The following DAZL variants were observed in gnomAD, a reference collection of about 807,000 sequenced individuals.
DAZL encodes deleted in azoospermia-like.
Under a neutral mutation model 45.0 loss-of-function variants are expected in DAZL, and 4 were observed. The observed-to-expected ratio is 0.09, with a 90% confidence interval of 0.04 to 0.20. DAZL has a LOEUF of 0.20. DAZL is among the 10% of genes least tolerant of loss of function. The pLI is 1.00. For synonymous variants in DAZL, 122 were observed against 112.4 expected, an observed-to-expected ratio of 1.09 and a Z score of -0.54; for missense variants, 326 against 351.3, an observed-to-expected ratio of 0.93 and a Z score of 0.58.
At chr3:16,590,522 C>A (rs1575415475) in intron 10 of DAZL, among the ~76,000 whole-genome samples, 1 of 152,188 alleles carries the variant, frequency 6.6e-6, no homozygotes, top group Non-Finnish European at 1.5e-5. Context: ...CTTAGCAATT[C>A]CATTCCCAAG....
rs953951077 is a variant in DAZL at position 16,597,944 on chromosome 3, G to C, written c.242+143C>G. On this transcript the variant is annotated intron_variant, in intron 3 of 10. Coordinates refer to ENST00000399444, the MANE Select transcript of DAZL (RefSeq NM_001351.4). ...AAACATTAGAAAAATGATTAAAAGA[G>C]CTGGCAATAAACTTTTATCCTCTAC... is the stretch of plus-strand genomic sequence containing the variant. The C allele has an allele frequency of 5.8e-6, 5 of 859,014 alleles. No homozygotes were observed. The African/African-American group carries it at 8.6e-5, about 15-fold the overall frequency. The allele number at this position is 859,014 out of a possible 1,614,324, so 53.2% of individuals were successfully genotyped here.
rs1310452787 is a variant in DAZL at position 16,587,834 on chromosome 3, ATTCT to A, written c.*822_*825del. 3.3e-5 allele frequency: 5 copies of A among 153,226 alleles called. No homozygotes were observed. The highest frequency in any genetic ancestry group is 7.2e-5 in the African/African-American group (3 of 41,480). 9.5% of individuals were successfully genotyped at this position (153,226 alleles called of 1,614,324 possible). On this transcript the variant is annotated 3_prime_UTR_variant, in exon 11 of 11. Coordinates refer to ENST00000399444, the MANE Select transcript of DAZL (RefSeq NM_001351.4). ...CTAAGAGACATAAAAAAGTTGCAGC[ATTCT>A]TTAATACCAATATTTTGCACAATTT...
intron 1 of DAZL, among the ~76,000 whole-genome samples, chr3:16,600,890 A>T (rs1308947383): frequency 6.6e-6 from 1 of 152,224 alleles, no homozygotes; most frequent in Non-Finnish European, 1.5e-5. Context: ...AAGATTTTTG[A>T]GCCCTGGGGG....
chr3:16,603,151 T>C (rs187249389), intron 1 of DAZL, among the ~76,000 whole-genome samples: 1 of 152,278 alleles, frequency 6.6e-6, no homozygotes, highest in East Asian at 1.9e-4. Flanking sequence ...ATACATTCTT[T>C]ACACCAAGAG....
chr3:16,594,286 G>A (rs1694564173), intron 8 of DAZL, among the ~76,000 whole-genome samples: 1 of 151,886 alleles, frequency 6.6e-6, no homozygotes, highest in Non-Finnish European at 1.5e-5. Flanking sequence ...ACAAGTAACT[G>A]AACACTTATC....
At chr3:16,600,105 T>G (rs993667080) in intron 1 of DAZL, among the ~76,000 whole-genome samples, 2 of 152,194 alleles carry the variant, frequency 1.3e-5, no homozygotes, top group Non-Finnish European at 2.9e-5. Context: ...GAAACATCAT[T>G]AATTTAAAAA....
intron 9 of DAZL, among the ~76,000 whole-genome samples, chr3:16,593,379 C>G (rs1339336575): frequency 2.0e-5 from 3 of 152,122 alleles, no homozygotes; most frequent in Non-Finnish European, 2.9e-5. Flanking sequence ...TCCTATCTTG[C>G]CCAGGGTGGT....
intron 1 of DAZL, among the ~76,000 whole-genome samples, chr3:16,601,666 C>T (rs1011959314): frequency 6.6e-6 from 1 of 152,134 alleles, no homozygotes; most frequent in Non-Finnish European, 1.5e-5. Context: ...CTGTCAATAG[C>T]ATCCTGAAAA....
rs558128657 is a variant in DAZL at position 16,599,938 on chromosome 3, G to C, written c.4-1340C>G. Among the ~76,000 whole-genome samples, 3 of 152,236 alleles carry C rather than the reference G, an allele frequency of 2.0e-5. No homozygotes were observed. The East Asian group carries it at 5.8e-4, about 29-fold the overall frequency. ...GAGATAACATCTGTGAATTCATTTT[G>C]TAAAGTATAAAGTGGTATATCAATA... On this transcript the variant is annotated intron_variant, in intron 1 of 10. Coordinates refer to ENST00000399444, the MANE Select transcript of DAZL (RefSeq NM_001351.4).
chr3:16,588,737 T>C (rs1376502951), intron 10 of DAZL, 24 bp from the exon 11 acceptor site: 1 of 1,601,406 alleles, frequency 6.2e-7, no homozygotes, highest in South Asian at 1.1e-5. Flanking sequence ...AAAGAGTCCT[T>C]TTACTTTACT....
At chr3:16,601,504 G>A (rs1414097676) in intron 1 of DAZL, among the ~76,000 whole-genome samples, 1 of 151,940 alleles carries the variant, frequency 6.6e-6, no homozygotes, top group African/African-American at 2.4e-5. Context: ...GATTAGCAAG[G>A]GTTGTTAAAT....
chr3:16,598,018 C>T (rs1389349516), intron 3 of DAZL, 69 bp downstream of exon 3: 2 of 1,356,634 alleles, frequency 1.5e-6, no homozygotes, highest in African/African-American at 2.9e-5. Context: ...GTCAGAATAC[C>T]AATTTTGAAG....
At chr3:16,601,986 A>G (rs1292206435) in intron 1 of DAZL, among the ~76,000 whole-genome samples, 1 of 152,236 alleles carries the variant, frequency 6.6e-6, no homozygotes, top group Non-Finnish European at 1.5e-5. Flanking sequence ...GAAAAAGGCT[A>G]TAATTTGTAG....
chr3:16,604,530 C>G (rs775987625), intron 1 of DAZL: 15 of 1,484,490 alleles, frequency 1.0e-5, no homozygotes, highest in Non-Finnish European at 8.9e-7. Flanking sequence ...CTGACAGGCG[C>G]GAGGGGACCA....
intron 1 of DAZL, among the ~76,000 whole-genome samples, chr3:16,604,129 A>T (rs1368257162): frequency 6.6e-6 from 1 of 152,192 alleles, no homozygotes; most frequent in Non-Finnish European, 1.5e-5. Context: ...TTTTTATTTT[A>T]ATGTTTATAC....
intron 1 of DAZL, among the ~76,000 whole-genome samples, 160 bp from the exon 2 acceptor site, chr3:16,598,758 G>C (rs1694638483): frequency 6.6e-6 from 1 of 151,528 alleles, no homozygotes. Context: ...GAGTAGATCA[G>C]CATGAAATTT....
intron 6 of DAZL, 58 bp downstream of exon 6, chr3:16,596,692 C>T: frequency 1.3e-6 from 2 of 1,583,784 alleles, no homozygotes; most frequent in Admixed American, 1.7e-5. Flanking sequence ...GATGTAATTC[C>T]ACAGAAGGTA....
intron 1 of DAZL, chr3:16,604,710 C>CA: frequency 7.3e-7 from 1 of 1,362,172 alleles, no homozygotes; most frequent in Non-Finnish European, 9.4e-7. Context: ...GCAAGTCCCT[C>CA]AGCAGGCCCG....
At position 16,598,588 on chromosome 3, in the gene DAZL, T is replaced by C. The variant is rs1430473269; in HGVS notation, c.14A>G (p.Asn5Ser). Residue 5 changes from asparagine to serine, a missense_variant, in exon 2 of 11, where the codon AAT (asparagine) becomes AGT (serine). By Grantham distance (46) the Asn-to-Ser change is conservative (BLOSUM62 1). This residue lies in a region of DAZL where 81 missense variants were observed against 89.6 expected (regional missense o/e 0.90). Transcript: ENST00000399444. MSTA[N>S]PETPNSTISR... ...GATGGTTGAGTTTGGAGTTTCAGGA[T>C]TTGCAGTAGACTGTAATTTGGAAAG... is the stretch of plus-strand genomic sequence containing the variant. The C allele has an allele frequency of 1.9e-5, 31 of 1,596,866 alleles. No homozygotes were observed. Among genetic ancestry groups the C allele is most frequent in the Non-Finnish European group, 2.6e-5 (31 of 1,177,708 alleles).
Sources: gnomAD v4.1 joint callset for allele counts (sites outside exome capture counted in the v4.1 genomes callset) on GRCh38, gnomAD v4.1.1 for gene constraint, gnomAD v4.1.1 regional missense constraint, MANE v1.5 for transcripts, NCBI Gene and HGNC (gene_info 2026-07-23, HGNC 2026-07-21) for gene names.